Variants in CAMK2D observed in about 807,000 individuals in gnomAD.
CAMK2D encodes calcium/calmodulin-dependent protein kinase type II subunit delta.
Under a neutral mutation model 84.0 loss-of-function variants are expected in CAMK2D, and 37 were observed. The ratio of observed to expected loss-of-function variants is 0.44; its 90% CI spans 0.34 to 0.58. The LOEUF is 0.58. Ranked by LOEUF, CAMK2D falls within the 20% of genes least tolerant of loss-of-function variation. The pLI is 0.02. For synonymous variants in CAMK2D, 202 were observed against 212.5 expected, an observed-to-expected ratio of 0.95 and a Z score of 0.43; for missense variants, 448 against 652.5, an observed-to-expected ratio of 0.69 and a Z score of 3.41.
chr4:113,514,852 A>G (rs2098264526), intron 10 of CAMK2D, among the ~76,000 whole-genome samples: 2 of 152,318 alleles, frequency 1.3e-5, no homozygotes, highest in South Asian at 4.1e-4. Context: ...ACTGCAAGCA[A>G]TATTTATTTA....
At chr4:113,606,469 TGGGTGACA>T (rs1234440688) in intron 4 of CAMK2D, among the ~76,000 whole-genome samples, 1 of 148,190 alleles carries the variant, frequency 6.7e-6, no homozygotes, top group Non-Finnish European at 1.5e-5. Context: ...CACTCCAGCC[TGGGTGACA>T]GAGTGAGACT....
chr4:113,494,674 C>A (rs892276550), intron 16 of CAMK2D, among the ~76,000 whole-genome samples: 1 of 152,204 alleles, frequency 6.6e-6, no homozygotes, highest in Non-Finnish European at 1.5e-5. Flanking sequence ...CCACCCAGTT[C>A]GAGCTTCCCG....
At chr4:113,562,510 G>C (rs1320327447) in intron 4 of CAMK2D, among the ~76,000 whole-genome samples, 1 of 152,116 alleles carries the variant, frequency 6.6e-6, no homozygotes, top group Non-Finnish European at 1.5e-5. Context: ...CTTATCATCT[G>C]TCAAATCATC....
chr4:113,735,401 C>T (rs540132025), intron 2 of CAMK2D, among the ~76,000 whole-genome samples: 41 of 150,220 alleles, frequency 2.7e-4, no homozygotes, highest in Non-Finnish European at 5.3e-4. Context: ...CTTGAGCCCG[C>T]GAGGCAGAGG....
At position 113,505,045 on chromosome 4, in the gene CAMK2D, T is replaced by G. The variant is rs2098111706; in HGVS notation, c.985-10A>C. 6.4e-7 allele frequency: 1 copy of G among 1,559,184 alleles called. No individual in the cohort carries two copies. The highest frequency in any genetic ancestry group is 8.6e-7 in the Non-Finnish European group (1 of 1,157,192). ...TGGCTTTGTTGTTTATCTGTGGGTATGCAGAAAATAGAAACAGAGATGCCT... is the reference window on the plus strand; with the variant it reads ...TGGCTTTGTTGTTTATCTGTGGGTAGGCAGAAAATAGAAACAGAGATGCCT... On this transcript the variant is annotated splice_polypyrimidine_tract_variant and intron_variant, in intron 13 of 20. Coordinates refer to ENST00000511664, the MANE Select transcript of CAMK2D (RefSeq NM_001321571.2).
At chr4:113,473,553 C>T (rs2097571038) in intron 16 of CAMK2D, among the ~76,000 whole-genome samples, 2 of 152,256 alleles carry the variant, frequency 1.3e-5, no homozygotes, top group South Asian at 4.1e-4. Context: ...CGAATGTTTA[C>T]TGTAAACCTC....
At chr4:113,694,692 A>T (rs1010326611) in intron 2 of CAMK2D, among the ~76,000 whole-genome samples, 1 of 152,176 alleles carries the variant, frequency 6.6e-6, no homozygotes, top group African/African-American at 2.4e-5. Context: ...TAAAAAAGAA[A>T]GTAATTTATA....
chr4:113,612,255 C>A (rs992191910), intron 3 of CAMK2D, among the ~76,000 whole-genome samples: 1 of 152,154 alleles, frequency 6.6e-6, no homozygotes, highest in Non-Finnish European at 1.5e-5. Flanking sequence ...TAGTTGTAGA[C>A]ATCATCTATT....
At chr4:113,699,519 G>A (rs1367730833) in intron 2 of CAMK2D, among the ~76,000 whole-genome samples, 1 of 152,054 alleles carries the variant, frequency 6.6e-6, no homozygotes, top group Non-Finnish European at 1.5e-5. Flanking sequence ...CTTCCACTCT[G>A]CCCCACTTTC....
intron 3 of CAMK2D, among the ~76,000 whole-genome samples, chr4:113,639,431 A>G (rs2099123386): frequency 6.6e-6 from 1 of 152,086 alleles, no homozygotes; most frequent in Non-Finnish European, 1.5e-5. Flanking sequence ...GGGGGGAATA[A>G]GGATATGTAA....
At chr4:113,739,625 T>C (rs1405115027) in intron 2 of CAMK2D, among the ~76,000 whole-genome samples, 1 of 152,156 alleles carries the variant, frequency 6.6e-6, no homozygotes, top group Non-Finnish European at 1.5e-5. Flanking sequence ...CAATAATAGG[T>C]TGATGTTTCT....
chr4:113,549,891 A>C (rs2098611222), intron 5 of CAMK2D, among the ~76,000 whole-genome samples: 1 of 152,182 alleles, frequency 6.6e-6, no homozygotes, highest in African/African-American at 2.4e-5. Flanking sequence ...AAAGCGTCTC[A>C]CATTCATTGC....
chr4:113,495,374 C>A (rs1000004353), intron 16 of CAMK2D, among the ~76,000 whole-genome samples: 5 of 152,124 alleles, frequency 3.3e-5, no homozygotes, highest in Admixed American at 3.3e-4. Context: ...CAAGACAAGT[C>A]CTGAAATATA....
At chr4:113,517,453 T>G (rs1187998761) in intron 9 of CAMK2D, 110 bp downstream of exon 9, 1 of 512,628 alleles carries the variant, frequency 2.0e-6, no homozygotes, top group East Asian at 2.7e-5. Context: ...GGAAATAATA[T>G]GAGAAAGTGG....
intron 4 of CAMK2D, among the ~76,000 whole-genome samples, chr4:113,597,349 T>C (rs1343446663): frequency 6.6e-6 from 1 of 152,250 alleles, no homozygotes. Flanking sequence ...TAGCTAGATC[T>C]TCTGGATAAG....
At chr4:113,705,935 C>T (rs558679232) in intron 2 of CAMK2D, among the ~76,000 whole-genome samples, 1 of 152,184 alleles carries the variant, frequency 6.6e-6, no homozygotes, top group Non-Finnish European at 1.5e-5. Context: ...ACCTGTAACA[C>T]CATATAACTT....
chr4:113,648,078 A>G (rs1288988196), intron 3 of CAMK2D, among the ~76,000 whole-genome samples: 1 of 152,200 alleles, frequency 6.6e-6, no homozygotes, highest in Admixed American at 6.5e-5. Context: ...CTGTAGTTAA[A>G]ATTTATAGTC....
chr4:113,679,511 CAAT>C (rs2099332226), intron 2 of CAMK2D: 1 of 839,976 alleles, frequency 1.2e-6, no homozygotes, highest in Admixed American at 6.2e-5. Flanking sequence ...TTTTAAAAAT[CAAT>C]AATAACATGT....
At chr4:113,729,002 T>C (rs2099554365) in intron 2 of CAMK2D, among the ~76,000 whole-genome samples, 1 of 152,196 alleles carries the variant, frequency 6.6e-6, no homozygotes, top group Admixed American at 6.5e-5. Context: ...AAAAAGGCTC[T>C]TATGGCATTG....
Sources: gnomAD v4.1 joint callset for allele counts (sites outside exome capture counted in the v4.1 genomes callset) on GRCh38, gnomAD v4.1.1 for gene constraint, MANE v1.5 for transcripts, NCBI Gene and HGNC (gene_info 2026-07-23, HGNC 2026-07-21) for gene names.